The following YJU2 variants were observed in gnomAD, a reference collection of about 807,000 sequenced individuals.
YJU2 encodes the protein YJU2 splicing factor homolog.
A neutral mutation model predicts 39.6 loss-of-function variants in YJU2; 28 were observed. That is an observed-to-expected ratio of 0.71 (90% CI 0.52 to 0.97). The LOEUF is 0.97. Ranked by LOEUF, YJU2 falls within the 50% of genes least tolerant of loss-of-function variation. The probability of loss-of-function intolerance (pLI) is 0.00; values close to 1 mark genes in which losing one functional copy is unlikely to be tolerated. For missense variants in YJU2, 328 were observed against 430.4 expected (o/e 0.76, Z 2.11); for synonymous variants, 184 against 182.4 (o/e 1.01, Z -0.07).
Position 4,268,567 on chromosome 19 carries a change from T to A in YJU2, c.860-17T>A. 6.3e-7 allele frequency: 1 copy of A among 1,581,036 alleles called. No homozygotes were observed. Among genetic ancestry groups the A allele is most frequent in the Non-Finnish European group, 8.7e-7 (1 of 1,155,632 alleles). On this transcript the variant is annotated splice_polypyrimidine_tract_variant and intron_variant, in intron 7 of 7. Coordinates refer to ENST00000262962, the MANE Select transcript of YJU2 (RefSeq NM_018074.6). ...TGCTGTGGAGCTGAGATGAGCTAAC[T>A]CTCGCTCTCCCACCAGGAGCCCCGC...
chr19:4,250,637 G>A (rs1031894205), intron 2 of YJU2, among the ~76,000 whole-genome samples: 18 of 152,070 alleles, frequency 1.2e-4, no homozygotes, highest in Middle Eastern at 3.2e-3. Context: ...GGAGGCGGGC[G>A]TGCTGGGCTG....
intron 3 of YJU2, among the ~76,000 whole-genome samples, chr19:4,252,432 A>AC (rs1025643552): frequency 8.3e-6 from 1 of 120,468 alleles, no homozygotes; most frequent in Non-Finnish European, 1.6e-5. Context: ...CCCCGTCTCT[A>AC]CTAAAAAAAA....
intron 3 of YJU2, among the ~76,000 whole-genome samples, chr19:4,253,783 A>G (rs1970997063): frequency 6.6e-6 from 1 of 152,088 alleles, no homozygotes; most frequent in African/African-American, 2.4e-5. Flanking sequence ...AGGTGTTAAT[A>G]AATACAAAGG....
intron 4 of YJU2, among the ~76,000 whole-genome samples, chr19:4,257,395 T>G (rs927553410): frequency 1.3e-5 from 2 of 151,952 alleles, no homozygotes; most frequent in Non-Finnish European, 2.9e-5. Flanking sequence ...TGGGTTCAAG[T>G]GATTCTCCTG....
intron 6 of YJU2, among the ~76,000 whole-genome samples, chr19:4,265,884 C>A (rs1378040987): frequency 2.0e-5 from 3 of 152,008 alleles, no homozygotes; most frequent in Non-Finnish European, 4.4e-5. Context: ...CAGGTGTGTG[C>A]CTCTGTGCCT....
rs1470614975 is a variant in YJU2, at chr19:4,258,319, C to A, written c.483C>A (p.Asn161Lys). ...LENLQELKDL[N>K]QRQAHVDFEA... ...ACCTCCAGGAGCTGAAAGACCTGAACCAGCGGCAGGCGCACGTGGACTTCG... is the reference window on the plus strand; with the variant it reads ...ACCTCCAGGAGCTGAAAGACCTGAAACAGCGGCAGGCGCACGTGGACTTCG... The change falls in exon 5 of 8, where the codon AAC becomes AAA. Residue 161 changes from asparagine to lysine, a missense_variant. By Grantham distance (94) the Asn-to-Lys change is moderately conservative (BLOSUM62 0). Around this residue, in one of 2 missense-constraint regions of YJU2, gnomAD observed 244 missense variants for 264.6 expected, o/e 0.92. Coordinates refer to ENST00000262962, the MANE Select transcript of YJU2 (RefSeq NM_018074.6). 1.9e-6 allele frequency: 3 copies of A among 1,577,840 alleles called. No individual in the cohort carries two copies. Among genetic ancestry groups the A allele is most frequent in the African/African-American group, 2.7e-5 (2 of 74,596 alleles).
rs975025860 is a variant in YJU2, at chr19:4,268,792, C to T, written c.*96C>T. 5.6e-6 allele frequency: 5 copies of T among 886,482 alleles called. No individual in the cohort carries two copies. Among genetic ancestry groups the T allele is most frequent in the Admixed American group, 2.1e-5 (1 of 46,660 alleles). The allele number at this position is 886,482 out of a possible 1,614,324, so 54.9% of individuals were successfully genotyped here. On this transcript the variant is annotated 3_prime_UTR_variant, in exon 8 of 8. Coordinates refer to ENST00000262962, the MANE Select transcript of YJU2 (RefSeq NM_018074.6). ...TGGTGGTCAGGGCAGGAGGCCTTGGCGTGACTGGAGGCCGGACAGACAAGC... is the reference window on the plus strand; with the variant it reads ...TGGTGGTCAGGGCAGGAGGCCTTGGTGTGACTGGAGGCCGGACAGACAAGC...
At chr19:4,258,698 G>A (rs1157155535) in intron 5 of YJU2, among the ~76,000 whole-genome samples, 1 of 152,240 alleles carries the variant, frequency 6.6e-6, no homozygotes, top group Non-Finnish European at 1.5e-5. Context: ...CATGTGTGGT[G>A]TGTCGGGGGC....
chr19:4,252,007 C>T (rs1029510209), intron 3 of YJU2, among the ~76,000 whole-genome samples: 1 of 151,838 alleles, frequency 6.6e-6, no homozygotes, highest in Admixed American at 6.6e-5. Flanking sequence ...AAAAAAGTAG[C>T]GTGCAATGGA....
intron 1 of YJU2, among the ~76,000 whole-genome samples, chr19:4,248,834 G>A (rs1004868602): frequency 4.6e-5 from 7 of 152,050 alleles, no homozygotes; most frequent in African/African-American, 7.2e-5. Flanking sequence ...CAGGAGAATC[G>A]CTTGAACCCA....
intron 7 of YJU2, 137 bp downstream of exon 7, chr19:4,267,911 G>A: frequency 1.5e-6 from 1 of 677,628 alleles, no homozygotes; most frequent in Non-Finnish European, 2.4e-6. Context: ...AATTAGTGGA[G>A]TGAGCAGAGA....
chr19:4,254,295 CT>C (rs1971000755), intron 3 of YJU2, 59 bp from the exon 4 acceptor site: 1 of 1,281,892 alleles, frequency 7.8e-7, no homozygotes, highest in Non-Finnish European at 1.1e-6. Flanking sequence ...GCTGGTGGTA[CT>C]TTAGAAGATT....
chr19:4,256,189 T>A (rs1345447479), intron 4 of YJU2, among the ~76,000 whole-genome samples: 11 of 115,668 alleles, frequency 9.5e-5, no homozygotes, highest in South Asian at 4.8e-4. Context: ...AAAATATATA[T>A]ATATATATAT....
intron 5 of YJU2, among the ~76,000 whole-genome samples, chr19:4,259,966 T>TG (rs1467777624): frequency 6.6e-6 from 1 of 152,074 alleles, no homozygotes; most frequent in Non-Finnish European, 1.5e-5. Context: ...CACACAGCCC[T>TG]GGGGGTCAGT....
At chr19:4,249,164 C>T (rs1003812039) in intron 1 of YJU2, 64 bp from the exon 2 acceptor site, 1 of 1,158,514 alleles carries the variant, frequency 8.6e-7, no homozygotes, top group South Asian at 1.4e-5. Flanking sequence ...AGCCCCTTCC[C>T]TCTGCCATGT....
chr19:4,253,890 C>A (rs915083089), intron 3 of YJU2, among the ~76,000 whole-genome samples: 8 of 151,090 alleles, frequency 5.3e-5, no homozygotes, highest in African/African-American at 1.9e-4. Flanking sequence ...GTGGTGTGAT[C>A]TCAGCCTCCC....
chr19:4,257,830 T>C (rs1188475840), intron 4 of YJU2, among the ~76,000 whole-genome samples: 8 of 152,302 alleles, frequency 5.3e-5, no homozygotes, highest in South Asian at 2.1e-4. Context: ...CTCGAACTCC[T>C]GATCTCAGGT....
At chr19:4,265,458 C>T (rs985833470) in intron 6 of YJU2, among the ~76,000 whole-genome samples, 6 of 150,464 alleles carry the variant, frequency 4.0e-5, no homozygotes, top group African/African-American at 9.8e-5. Flanking sequence ...TTTTTAGAGG[C>T]GAGTCTGTAT....
At chr19:4,259,809 C>A (rs1427517009) in intron 5 of YJU2, among the ~76,000 whole-genome samples, 1 of 152,068 alleles carries the variant, frequency 6.6e-6, no homozygotes, top group East Asian at 1.9e-4. Context: ...CTCCTGTGTC[C>A]CCAGGGCTTC....
Sources: allele counts gnomAD v4.1 joint callset (sites outside exome capture counted in the v4.1 genomes callset), GRCh38; gene constraint gnomAD v4.1.1; regional missense constraint gnomAD v4.1.1; transcripts MANE v1.5; gene names NCBI Gene and HGNC (gene_info 2026-07-23, HGNC 2026-07-21).